The following PDZD4 variants were observed in gnomAD, a reference collection of about 807,000 sequenced individuals.
PDZD4 encodes PDZ domain containing 4, also known as PDZ domain-containing protein 4.
In PDZD4, 9 loss-of-function variants were observed where a neutral mutation model predicts 38.5. The ratio of observed to expected loss-of-function variants is 0.23; its 90% CI spans 0.14 to 0.41. PDZD4 has a LOEUF of 0.41. Among genes scored for constraint, PDZD4 ranks in the 10% least tolerant of loss-of-function variants. PDZD4 has a pLI of 1.00. For missense variants in PDZD4, 612 were observed against 722.0 expected (o/e 0.85, Z 1.75); for synonymous variants, 349 against 315.7 (o/e 1.11, Z -1.12).
In PDZD4 at chrX:153,830,345, C is replaced by T. The variant is rs2064529959; in HGVS notation, c.-47G>A. 8.7e-7 allele frequency: 1 copy of T among 1,147,193 alleles called. No individual in the cohort carries two copies. Among genetic ancestry groups the T allele is most frequent in the African/African-American group, 1.8e-5 (1 of 54,878 alleles). 94.5% of individuals were successfully genotyped at this position (1,147,193 alleles called of 1,213,427 possible). A position where few individuals can be genotyped will look rare whatever the true frequency, so the allele number is the denominator to read the frequency against. The stretch of plus-strand genomic sequence containing the variant: ...GCGGAGGGCGGGAACGGGAAGACGC[C>T]TTTCACTGACCCGGGCGCGGGACCT... On this transcript the variant is annotated 5_prime_UTR_variant, in exon 1 of 8. Coordinates refer to ENST00000393758, the MANE Select transcript of PDZD4 (RefSeq NM_001303512.2).
At chrX:153,807,071 A>C (rs2064258241) in intron 3 of PDZD4, among the ~76,000 whole-genome samples, 1 of 112,610 alleles carries the variant, frequency 8.9e-6, no homozygotes, top group Non-Finnish European at 1.9e-5. Flanking sequence ...TGCACGAGGC[A>C]CACACAGGCA....
Position 153,803,559 on chromosome X carries a change from G to A in PDZD4, c.2122C>T (p.Arg708Trp), listed in dbSNP as rs1557075362. Residue 708 changes from arginine to tryptophan, a missense_variant, in exon 8 of 8, where the codon CGG becomes TGG. By Grantham distance (101) the Arg-to-Trp change is moderately radical. This residue lies in a region of PDZD4 where 87 missense variants were observed against 126.3 expected (regional missense o/e 0.69). Coordinates refer to ENST00000393758, the MANE Select transcript of PDZD4 (RefSeq NM_001303512.2). ...TGCTGCTCCCGCAGGCACTCCAGCC[G>A]GCTCTGCATCATGAACTCGCGCCGC... ...RKRREFMMQS[R>W]LECLREQQNG... 4 of 1,207,978 alleles carry A rather than the reference G, an allele frequency of 3.3e-6. No homozygotes were observed. The highest frequency in any genetic ancestry group is 2.2e-6 in the Non-Finnish European group (2 of 894,118).
intron 1 of PDZD4, among the ~76,000 whole-genome samples, chrX:153,812,608 G>A (rs782359346): frequency 9.1e-6 from 1 of 109,352 alleles, no homozygotes; most frequent in Admixed American, 9.7e-5. Flanking sequence ...AAGCCTTCTC[G>A]CTCTCTCTCT....
intron 1 of PDZD4, 82 bp downstream of exon 1, chrX:153,830,157 A>T: frequency 1.1e-6 from 1 of 938,894 alleles, no homozygotes; most frequent in Non-Finnish European, 1.4e-6. Flanking sequence ...CCGCTCTCCC[A>T]CGCCCGCCGC....
rs1237615753 is a variant in PDZD4 at position 153,830,384 on chromosome X, G to A, written c.-86C>T. 7.9e-6 allele frequency: 7 copies of A among 883,795 alleles called. No homozygotes were observed. In the African/African-American group the frequency reaches 8.4e-5, roughly 11 times the overall value. The allele number at this position is 883,795 out of a possible 1,213,427, so 72.8% of individuals were successfully genotyped here. ...GGCGCGGGACCTCGGGTCCCGGGCC[G>A]GGGCCAGGGGCCATACCCTGGCGCG... is the stretch of plus-strand genomic sequence containing the variant. On this transcript the variant is annotated 5_prime_UTR_variant, in exon 1 of 8. Coordinates refer to ENST00000393758, the MANE Select transcript of PDZD4 (RefSeq NM_001303512.2).
chrX:153,822,669 T>TC, intron 1 of PDZD4, among the ~76,000 whole-genome samples: 2 of 65,512 alleles, frequency 3.1e-5, no homozygotes, highest in Admixed American at 1.7e-4. Context: ...CTCTCTCTCT[T>TC]TCTCTCTGTC....
At chrX:153,817,426 C>A (rs1244871477) in intron 1 of PDZD4, among the ~76,000 whole-genome samples, 1 of 111,707 alleles carries the variant, frequency 9.0e-6, no homozygotes, top group African/African-American at 3.3e-5. Context: ...ACATGGTACA[C>A]CCATCCCGAC....
chrX:153,805,657 C>G, intron 5 of PDZD4, 51 bp from the exon 6 acceptor site: 1 of 1,076,501 alleles, frequency 9.3e-7, no homozygotes, highest in East Asian at 3.0e-5. Context: ...GGCCCTGGGG[C>G]GGACCCTGGG....
chrX:153,810,714 C>T (rs1163302412), intron 1 of PDZD4, among the ~76,000 whole-genome samples: 1 of 112,410 alleles, frequency 8.9e-6, no homozygotes, highest in African/African-American at 3.2e-5. Flanking sequence ...TTAGTGCCCG[C>T]GATACAGTAG....
At position 153,803,252 on chromosome X, in the gene PDZD4, C is replaced by T; in HGVS notation, c.*101G>A. 1.7e-6 allele frequency: 1 copy of T among 577,683 alleles called. No homozygotes were observed. The highest frequency in any genetic ancestry group is 2.4e-6 in the Non-Finnish European group (1 of 414,327). 47.6% of individuals were successfully genotyped at this position (577,683 alleles called of 1,213,427 possible). ...GATGTGTGCGTGCGCACAGCGAGCA[C>T]GCGCGCGCGCACACACACACACACA... On this transcript the variant is annotated 3_prime_UTR_variant, in exon 8 of 8. Coordinates refer to ENST00000393758, the MANE Select transcript of PDZD4 (RefSeq NM_001303512.2).
At chrX:153,825,446 G>A (rs782257297) in intron 1 of PDZD4, among the ~76,000 whole-genome samples, 27 of 112,491 alleles carry the variant, frequency 2.4e-4, no homozygotes, top group African/African-American at 8.7e-4. Context: ...CTGCAGAAAA[G>A]GCTCCGGAGC....
chrX:153,823,967 G>A (rs1242160014), intron 1 of PDZD4, among the ~76,000 whole-genome samples: 2 of 112,423 alleles, frequency 1.8e-5, no homozygotes, highest in Non-Finnish European at 3.8e-5. Flanking sequence ...ATGCGTGCAT[G>A]TGGCCATGGA....
intron 1 of PDZD4, among the ~76,000 whole-genome samples, chrX:153,825,253 AT>A (rs1557082279): frequency 8.9e-6 from 1 of 112,407 alleles, no homozygotes; most frequent in Non-Finnish European, 1.9e-5. Flanking sequence ...CCTGAGTAGG[AT>A]GGGCGGGAGA....
intron 1 of PDZD4, among the ~76,000 whole-genome samples, chrX:153,819,614 G>C (rs1557080798): frequency 8.9e-6 from 1 of 112,424 alleles, no homozygotes; most frequent in Non-Finnish European, 1.9e-5. Context: ...CCGGGGCCGA[G>C]CTCTGACCTG....
At chrX:153,813,201 C>A (rs1819192346) in intron 1 of PDZD4, among the ~76,000 whole-genome samples, 1 of 112,026 alleles carries the variant, frequency 8.9e-6, no homozygotes, top group Admixed American at 9.5e-5. Flanking sequence ...AAAAGACACC[C>A]TAAACACAGT....
At chrX:153,830,085 A>G in intron 1 of PDZD4, 154 bp downstream of exon 1, 1 of 570,851 alleles carries the variant, frequency 1.8e-6, no homozygotes, top group African/African-American at 2.5e-5. Context: ...GAGCGCCAAC[A>G]CCCAACAGCC....
chrX:153,822,186 C>CAAA (rs57857575), intron 1 of PDZD4, among the ~76,000 whole-genome samples: 11 of 47,382 alleles, frequency 2.3e-4, no homozygotes, highest in East Asian at 9.1e-4. Flanking sequence ...GACTCTGTCT[C>CAAA]AAAAAAAAAA....
intron 1 of PDZD4, among the ~76,000 whole-genome samples, chrX:153,814,904 A>AC (rs1484542869): frequency 9.0e-6 from 1 of 111,514 alleles, no homozygotes; most frequent in Non-Finnish European, 1.9e-5. Flanking sequence ...GTTCACAAAG[A>AC]CCCCTCCTCC....
intron 1 of PDZD4, among the ~76,000 whole-genome samples, chrX:153,821,485 C>CA (rs1197300483): frequency 1.8e-5 from 2 of 108,171 alleles, no homozygotes; most frequent in Admixed American, 9.8e-5. Context: ...AACAAACAAA[C>CA]AAAAAAAACA....
Sources: allele counts gnomAD v4.1 joint callset (sites outside exome capture counted in the v4.1 genomes callset), GRCh38; gene constraint gnomAD v4.1.1; regional missense constraint gnomAD v4.1.1; transcripts MANE v1.5; gene names NCBI Gene and HGNC (gene_info 2026-07-23, HGNC 2026-07-21).